Variants in MIPOL1 observed in about 807,000 individuals in gnomAD.
MIPOL1 encodes the protein mirror-image polydactyly 1, also known as mirror-image polydactyly gene 1 protein.
MIPOL1 carries 57 observed loss-of-function variants against 60.9 expected under a neutral mutation model. The ratio of observed to expected loss-of-function variants is 0.94; its 90% CI spans 0.76 to 1.17. The LOEUF is 1.17. MIPOL1 is among the 50% of genes most tolerant of loss of function. MIPOL1 has a pLI of 0.00. For missense variants in MIPOL1, 551 were observed against 511.6 expected (o/e 1.08, Z -0.74); for synonymous variants, 179 against 168.8 (o/e 1.06, Z -0.47).
chr14:37,263,759 A>G (rs755322452), intron 3 of MIPOL1, among the ~76,000 whole-genome samples: 2 of 152,232 alleles, frequency 1.3e-5, no homozygotes, highest in Non-Finnish European at 2.9e-5. Flanking sequence ...AGAAGAGTTA[A>G]CAATGACACT....
intron 12 of MIPOL1, among the ~76,000 whole-genome samples, chr14:37,543,294 T>TA (rs2095536545): frequency 6.6e-6 from 1 of 152,192 alleles, no homozygotes; most frequent in African/African-American, 2.4e-5. Flanking sequence ...TATTTTTTTT[T>TA]AGACAGAGTC....
rs113780304 is a variant in MIPOL1, at chr14:37,322,424, C to A, written c.828+13905C>A. Among the ~76,000 whole-genome samples the A allele has an allele frequency of 2.4e-3, 364 of 152,036 alleles. 3 individuals carry two copies. Among genetic ancestry groups the A allele is most frequent in the African/African-American group, 8.1e-3 (338 of 41,520 alleles). On this transcript the variant is annotated intron_variant, in intron 9 of 12. Transcript: ENST00000684589. ...TTTAGTTTTATCTTTTTGAGAAAGTCATGTTTGACATCACAATATATCTAA... is the reference window on the plus strand; with the variant it reads ...TTTAGTTTTATCTTTTTGAGAAAGTAATGTTTGACATCACAATATATCTAA...
chr14:37,399,935 A>C (rs1298558192), intron 10 of MIPOL1: 1 of 152,188 alleles, frequency 6.6e-6, no homozygotes, highest in East Asian at 1.9e-4. Context: ...GTTTCCCAGC[A>C]TGATTGATCA....
At chr14:37,485,313 ACTGG>A (rs2094930709) in intron 11 of MIPOL1, among the ~76,000 whole-genome samples, 1 of 152,116 alleles carries the variant, frequency 6.6e-6, no homozygotes, top group African/African-American at 2.4e-5. Context: ...GTGTCTTTAT[ACTGG>A]AATGATTTAT....
intron 1 of MIPOL1, among the ~76,000 whole-genome samples, chr14:37,202,959 A>T (rs1001225719): frequency 6.6e-6 from 1 of 152,176 alleles, no homozygotes; most frequent in Non-Finnish European, 1.5e-5. Flanking sequence ...ATTTCCAGCA[A>T]ATCTTATTAC....
At chr14:37,257,125 G>GTGTGTGTGTT (rs1975096447) in intron 3 of MIPOL1, among the ~76,000 whole-genome samples, 1 of 151,098 alleles carries the variant, frequency 6.6e-6, no homozygotes, top group South Asian at 2.1e-4. Flanking sequence ...GTGTGTGTGT[G>GTGTGTGTGTT]TGTGTGTTTG....
At chr14:37,499,020 A>G (rs73253761) in intron 11 of MIPOL1, among the ~76,000 whole-genome samples, 335 of 152,276 alleles carry the variant, frequency 2.2e-3, no homozygotes, top group African/African-American at 7.3e-3. Context: ...AAATGTCTCC[A>G]ATCGACATTT....
intron 1 of MIPOL1, among the ~76,000 whole-genome samples, chr14:37,234,917 A>G (rs1171990440): frequency 6.7e-6 from 1 of 149,034 alleles, no homozygotes; most frequent in African/African-American, 2.5e-5. Flanking sequence ...CTGGGACTGC[A>G]GGCGCCCACC....
intron 9 of MIPOL1, among the ~76,000 whole-genome samples, chr14:37,312,252 C>T (rs914037481): frequency 2.3e-4 from 35 of 151,988 alleles, no homozygotes; most frequent in Non-Finnish European, 1.6e-4. Flanking sequence ...GTATTACAAG[C>T]GGGTGCCACC....
chr14:37,349,911 G>A lies in MIPOL1; in HGVS notation c.829-19606G>A, dbSNP rs189035230. On this transcript the variant is annotated intron_variant, in intron 9 of 12. Coordinates refer to ENST00000684589, the MANE Select transcript of MIPOL1 (RefSeq NM_001388067.1). ...GAAAAAAATGCACTTCAGAATAGAC[G>A]TTCCTTGGAGGAGAAAAGAATGGTG... Among the ~76,000 whole-genome samples, 63 of 152,212 alleles carry A rather than the reference G, an allele frequency of 4.1e-4. 1 individual carries two copies. Among genetic ancestry groups the A allele is most frequent in the Non-Finnish European group, 7.4e-4 (50 of 68,012 alleles).
At chr14:37,348,294 G>A (rs2091090433) in intron 9 of MIPOL1, among the ~76,000 whole-genome samples, 1 of 152,098 alleles carries the variant, frequency 6.6e-6, no homozygotes, top group South Asian at 2.1e-4. Context: ...AAAGCGTTCA[G>A]CCTGGAAGGA....
intron 12 of MIPOL1, among the ~76,000 whole-genome samples, chr14:37,519,102 A>G (rs1433888764): frequency 1.3e-5 from 2 of 152,182 alleles, no homozygotes; most frequent in South Asian, 2.1e-4. Context: ...AGTATAATTA[A>G]TTCAAGCAAA....
intron 9 of MIPOL1, among the ~76,000 whole-genome samples, chr14:37,355,859 C>T (rs569937663): frequency 5.2e-4 from 78 of 149,838 alleles, no homozygotes; most frequent in African/African-American, 1.8e-3. Context: ...TGAATGTCCT[C>T]CTGTAGCTCA....
chr14:37,397,966 C>T (rs977959698), intron 10 of MIPOL1, among the ~76,000 whole-genome samples: 1 of 152,104 alleles, frequency 6.6e-6, no homozygotes, highest in East Asian at 1.9e-4. Context: ...GAATTCATGC[C>T]CTCCTGTGAG....
In MIPOL1 at chr14:37,390,029, G is replaced by A. The variant is rs142877022; in HGVS notation, c.936+20405G>A. Among the ~76,000 whole-genome samples, 17 of 151,922 alleles carry A rather than the reference G, an allele frequency of 1.1e-4. No individual in the cohort carries two copies. The East Asian group carries it at 3.3e-3, about 30-fold the overall frequency. ...CAGCTGCTCAACAGGGTGAAACCCT[G>A]TCTCTACTACAAAAATATATATATG... On this transcript the variant is annotated intron_variant, in intron 10 of 12. Coordinates refer to ENST00000684589, the MANE Select transcript of MIPOL1 (RefSeq NM_001388067.1).
intron 1 of MIPOL1, among the ~76,000 whole-genome samples, chr14:37,214,499 C>G (rs969289157): frequency 6.6e-6 from 1 of 151,890 alleles, no homozygotes; most frequent in Non-Finnish European, 1.5e-5. Flanking sequence ...ACGAGCTGTT[C>G]CAGTATAATA....
intron 9 of MIPOL1, among the ~76,000 whole-genome samples, chr14:37,346,102 G>A (rs2090927375): frequency 6.6e-6 from 1 of 152,178 alleles, no homozygotes; most frequent in African/African-American, 2.4e-5. Context: ...GGCTGAGGCA[G>A]ACAGATCAAT....
intron 7 of MIPOL1, among the ~76,000 whole-genome samples, chr14:37,294,074 G>T (rs2085370660): frequency 6.6e-6 from 1 of 152,152 alleles, no homozygotes; most frequent in African/African-American, 2.4e-5. Flanking sequence ...GGGGCGGACT[G>T]ACACCTCACA....
intron 10 of MIPOL1, among the ~76,000 whole-genome samples, chr14:37,393,673 TTTTA>T (rs1201521534): frequency 6.6e-6 from 1 of 151,884 alleles, no homozygotes; most frequent in Admixed American, 6.6e-5. Flanking sequence ...CAGGCCAACC[TTTTA>T]TTTATTTATT....
Sources: allele counts gnomAD v4.1 joint callset (sites outside exome capture counted in the v4.1 genomes callset), GRCh38; gene constraint gnomAD v4.1.1; transcripts MANE v1.5; gene names NCBI Gene and HGNC (gene_info 2026-07-23, HGNC 2026-07-21).